Variants in DLG2 observed in about 807,000 individuals in gnomAD.
The protein encoded by DLG2 is disks large homolog 2.
DLG2 carries 45 observed loss-of-function variants against 132.5 expected under a neutral mutation model. That is an observed-to-expected ratio of 0.34 (90% CI 0.27 to 0.44). The LOEUF is 0.44. Ranked by LOEUF, DLG2 falls within the 20% of genes least tolerant of loss-of-function variation. DLG2 has a pLI of 1.00. For missense variants in DLG2, 1,045 were observed against 1,196.9 expected (o/e 0.87, Z 1.87); for synonymous variants, 424 against 419.6 (o/e 1.01, Z -0.13).
chr11:85,543,651 G>GT (rs2076115548), intron 3 of DLG2, among the ~76,000 whole-genome samples: 2 of 152,144 alleles, frequency 1.3e-5, no homozygotes, highest in Admixed American at 1.3e-4. Flanking sequence ...AGCATCTATA[G>GT]TTTCCTGACT....
At chr11:84,620,669 C>T (rs139536902) in intron 6 of DLG2, among the ~76,000 whole-genome samples, 2 of 151,976 alleles carry the variant, frequency 1.3e-5, no homozygotes, top group Non-Finnish European at 2.9e-5. Flanking sequence ...AAAGAAAGAA[C>T]TCAACGATAT....
intron 3 of DLG2, among the ~76,000 whole-genome samples, chr11:85,414,996 G>T (rs772177574): frequency 3.9e-5 from 6 of 151,980 alleles, no homozygotes; most frequent in Admixed American, 6.6e-5. Flanking sequence ...TTCTCTTAAT[G>T]CTATCCTTCC....
intron 18 of DLG2, among the ~76,000 whole-genome samples, chr11:83,705,427 TACTTTACTTTTCAAAACATCATTATTAA>T (rs1322452616): frequency 2.0e-5 from 3 of 152,146 alleles, no homozygotes; most frequent in Admixed American, 6.5e-5. Flanking sequence ...CTTTTGCGAT[TACTTTACTTTTCAAAACATCATTATTAA>T]ATACTTGCCT....
intron 14 of DLG2, among the ~76,000 whole-genome samples, chr11:83,962,026 C>A (rs2088932510): frequency 6.6e-6 from 1 of 151,990 alleles, no homozygotes; most frequent in Non-Finnish European, 1.5e-5. Context: ...CCACATATAC[C>A]AGTGAGGAAA....
chr11:83,969,315 G>A (rs1040367856), intron 12 of DLG2, among the ~76,000 whole-genome samples: 15 of 152,062 alleles, frequency 9.9e-5, no homozygotes, highest in East Asian at 5.8e-4. Context: ...GTTTCTTTCC[G>A]AGTTTACATA....
intron 18 of DLG2, among the ~76,000 whole-genome samples, chr11:83,733,553 C>A (rs1329188050): frequency 6.6e-6 from 1 of 152,154 alleles, no homozygotes; most frequent in Non-Finnish European, 1.5e-5. Context: ...TCCCTGGGAG[C>A]CACAGGAAGA....
At chr11:84,723,187 G>T (rs2062033126) in intron 6 of DLG2, among the ~76,000 whole-genome samples, 1 of 152,020 alleles carries the variant, frequency 6.6e-6, no homozygotes, top group South Asian at 2.1e-4. Context: ...CAAAAGTATT[G>T]TATGCTCCAT....
chr11:85,604,146 C>T (rs1481427876), intron 2 of DLG2, among the ~76,000 whole-genome samples: 3 of 152,266 alleles, frequency 2.0e-5, no homozygotes, highest in South Asian at 4.1e-4. Context: ...CTTACTATGC[C>T]TCTCATCGCT....
intron 6 of DLG2, among the ~76,000 whole-genome samples, chr11:84,815,860 C>T (rs898313724): frequency 1.3e-5 from 2 of 151,944 alleles, no homozygotes; most frequent in South Asian, 2.1e-4. Flanking sequence ...GGGTCTCAAG[C>T]CATTTCCTTC....
In DLG2 at chr11:84,579,564, G is replaced by A. The variant is rs79710085; in HGVS notation, c.358-44833C>T. On this transcript the variant is annotated intron_variant, in intron 6 of 27. Transcript: ENST00000376104. ...CCAGAAGCATGAGAAAGAATGACCC[G>A]TGTGAGGATGTTAAGTATATGTTGC... 1.2e-3 allele frequency among the ~76,000 whole-genome samples: 176 copies of A among 152,278 alleles called. 2 individuals carry two copies. Among genetic ancestry groups the A allele is most frequent in the African/African-American group, 4.1e-3 (169 of 41,546 alleles).
intron 6 of DLG2, among the ~76,000 whole-genome samples, chr11:84,543,621 T>C (rs2099383700): frequency 6.6e-6 from 1 of 152,172 alleles, no homozygotes; most frequent in Admixed American, 6.5e-5. Context: ...TAAATGTTTG[T>C]TGAATAAGTA....
chr11:83,994,978 C>CGTTTT (rs1565955596), intron 11 of DLG2, among the ~76,000 whole-genome samples: 1 of 143,690 alleles, frequency 7.0e-6, no homozygotes, highest in African/African-American at 2.7e-5. Context: ...TTTCTGTGTC[C>CGTTTT]ATTTTTTTTT....
intron 4 of DLG2, among the ~76,000 whole-genome samples, chr11:85,212,301 C>G (rs1157919849): frequency 6.6e-6 from 1 of 152,172 alleles, no homozygotes; most frequent in Middle Eastern, 3.4e-3. Context: ...GATTTCCACT[C>G]ACTCCCTCTC....
intron 3 of DLG2, among the ~76,000 whole-genome samples, chr11:85,343,494 T>A (rs1453277902): frequency 6.6e-6 from 1 of 152,236 alleles, no homozygotes; most frequent in Non-Finnish European, 1.5e-5. Context: ...TGTCTTTTTT[T>A]AATTAAATAA....
At chr11:84,827,586 T>C (rs2078480836) in intron 6 of DLG2, among the ~76,000 whole-genome samples, 1 of 141,002 alleles carries the variant, frequency 7.1e-6, no homozygotes, top group South Asian at 2.3e-4. Context: ...CATGGCAGGA[T>C]GGCAGCCAGA....
intron 9 of DLG2, among the ~76,000 whole-genome samples, chr11:84,138,049 C>A (rs928235731): frequency 6.6e-6 from 1 of 152,138 alleles, no homozygotes; most frequent in African/African-American, 2.4e-5. Context: ...AATAGAAACA[C>A]TGAAACCATA....
chr11:85,554,378 T>G (rs542426344), intron 3 of DLG2, among the ~76,000 whole-genome samples: 1 of 151,800 alleles, frequency 6.6e-6, no homozygotes, highest in South Asian at 2.1e-4. Flanking sequence ...AGCCAAGAAA[T>G]TTGAAAACAG....
At chr11:83,557,904 T>G (rs1357709453) in intron 19 of DLG2, among the ~76,000 whole-genome samples, 1 of 152,096 alleles carries the variant, frequency 6.6e-6, no homozygotes, top group Non-Finnish European at 1.5e-5. Context: ...TAGGACAGAT[T>G]TAGATCAATT....
chr11:83,775,097 C>T (rs1032020879), intron 18 of DLG2, among the ~76,000 whole-genome samples: 6 of 152,174 alleles, frequency 3.9e-5, no homozygotes, highest in Non-Finnish European at 7.3e-5. Context: ...TACTCCAAGC[C>T]GCTACTGTCG....
Sources: gnomAD v4.1 joint callset for allele counts (sites outside exome capture counted in the v4.1 genomes callset) on GRCh38, gnomAD v4.1.1 for gene constraint, MANE v1.5 for transcripts, NCBI Gene and HGNC (gene_info 2026-07-23, HGNC 2026-07-21) for gene names.